SYTL2: variants seen among roughly 807,000 people sequenced by gnomAD.
SYTL2 encodes the protein synaptotagmin like 2.
SYTL2 carries 165 observed loss-of-function variants against 198.7 expected under a neutral mutation model. The observed-to-expected ratio is 0.83, with a 90% confidence interval of 0.73 to 0.94. The LOEUF (loss-of-function observed/expected upper bound fraction) is 0.94. SYTL2 is among the 40% of genes least tolerant of loss of function. SYTL2 has a pLI of 0.00. For synonymous variants in SYTL2, 966 were observed against 917.7 expected (o/e 1.05, Z -0.95); for missense variants, 2,835 against 2,582.8 (o/e 1.10, Z -2.12).
intron 1 of SYTL2, among the ~76,000 whole-genome samples, chr11:85,774,084 C>T (rs543995): frequency 0.76 from 115,988 of 152,072 alleles, 44,550 homozygotes; most frequent in African/African-American, 0.83. Flanking sequence ...TGATATTACA[C>T]AGAAAACCAA....
intron 1 of SYTL2, among the ~76,000 whole-genome samples, chr11:85,787,701 CT>C (rs56177666): frequency 0.27 from 24,628 of 90,108 alleles, 1,783 homozygotes; most frequent in Non-Finnish European, 0.34. Flanking sequence ...TTTTCTTTTC[CT>C]TTTTTTTTTT....
chr11:85,726,853 A>G lies in SYTL2; in HGVS notation c.2505T>C (p.Gly835=), dbSNP rs491867. 0.66 allele frequency: 1,017,500 copies of G among 1,536,112 alleles called. 339,840 individuals carry two copies. Among genetic ancestry groups the G allele is most frequent in the African/African-American group, 0.84 (61,151 of 73,096 alleles). The change falls in exon 8 of 20, where the codon GGT becomes GGC. Residue 835 remains glycine (G), a synonymous_variant. Coordinates refer to ENST00000359152, the MANE Select transcript of SYTL2 (RefSeq NM_206927.4). Reference sequence around the variant, plus strand: ...TAGATAAACTGTCCATGGATGATACACCCTGTGACTTCTTCACAGGCTGAT... The same window carrying G: ...TAGATAAACTGTCCATGGATGATACGCCCTGTGACTTCTTCACAGGCTGAT... ...KAYQPVKKSQ[G]VSSMDSLSTD...
At chr11:85,842,217 A>G in the SYTL2 span, among the ~76,000 whole-genome samples, 5 of 152,290 alleles carry the variant, frequency 3.3e-5, no homozygotes, top group African/African-American at 9.6e-5. Context: ...GGCTGCCCAT[A>G]TCCCCTCAGC....
chr11:85,838,386 T>A, the SYTL2 span, among the ~76,000 whole-genome samples: 2 of 152,142 alleles, frequency 1.3e-5, no homozygotes, highest in Non-Finnish European at 2.9e-5. Flanking sequence ...GACATAGGTG[T>A]ATGTATTAGG....
At chr11:85,702,875 ATACAT>A (rs1395168555) in intron 16 of SYTL2, among the ~76,000 whole-genome samples, 1 of 152,250 alleles carries the variant, frequency 6.6e-6, no homozygotes, top group Non-Finnish European at 1.5e-5. Context: ...TTTTAAGTAC[ATACAT>A]TAAATAACTT....
intron 15 of SYTL2, among the ~76,000 whole-genome samples, chr11:85,706,558 T>C (rs569961977): frequency 2.0e-5 from 3 of 152,318 alleles, no homozygotes; most frequent in South Asian, 4.1e-4. Context: ...TGGAAGAATA[T>C]TCCAGCCTGA....
Position 85,745,707 on chromosome 11 carries a change from C to T in SYTL2, c.319G>A (p.Ala107Thr). The T allele has an allele frequency of 6.2e-7, 1 of 1,613,878 alleles. No individual in the cohort carries two copies. The highest frequency in any genetic ancestry group is 8.5e-7 in the Non-Finnish European group (1 of 1,179,782). The stretch of plus-strand genomic sequence containing the variant: ...CCAGCCAGCTCTGGAGGAAGGAAAG[C>T]ATCTTTGTTGACATTATTCACCCAG... ...ESWVNNVNKD[A>T]FLPPELAGVV... Residue 107 changes from alanine (A) to threonine (T), a missense_variant, in exon 4 of 20, where the codon GCT becomes ACT. Transcript: ENST00000359152.
intron 8 of SYTL2, among the ~76,000 whole-genome samples, chr11:85,723,246 C>T (rs2088624981): frequency 6.6e-6 from 1 of 152,156 alleles, no homozygotes; most frequent in Non-Finnish European, 1.5e-5. Flanking sequence ...TGGAGATCGA[C>T]TCAGGTCATC....
At chr11:85,780,312 T>C (rs1428017104) in intron 1 of SYTL2, among the ~76,000 whole-genome samples, 1 of 152,250 alleles carries the variant, frequency 6.6e-6, no homozygotes, top group African/African-American at 2.4e-5. Context: ...ACATAGCTCC[T>C]AAAACCCTTG....
At chr11:85,785,857 A>G (rs917355078) in intron 1 of SYTL2, among the ~76,000 whole-genome samples, 5 of 152,234 alleles carry the variant, frequency 3.3e-5, no homozygotes, top group Non-Finnish European at 1.5e-5. Flanking sequence ...ATGAAAGAAT[A>G]AAATATTCCC....
chr11:85,728,371 C>G (rs1237504622), intron 7 of SYTL2, among the ~76,000 whole-genome samples: 1 of 152,080 alleles, frequency 6.6e-6, no homozygotes, highest in Admixed American at 6.5e-5. Context: ...ACTGCAACCT[C>G]CGCCTCCCAG....
rs1591803977 is a variant in SYTL2, at chr11:85,733,938, C to A, written c.1390+1G>T. 5 of 1,613,076 alleles carry A rather than the reference C, an allele frequency of 3.1e-6. No homozygotes were observed. Among genetic ancestry groups the A allele is most frequent in the Non-Finnish European group, 4.2e-6 (5 of 1,179,414 alleles). Reference sequence around the variant, plus strand: ...TAATCTAGTAGTGACAACTCTCTTACCAGCAGGGCTTCTGGGTAATACAGA... The same window carrying A: ...TAATCTAGTAGTGACAACTCTCTTAACAGCAGGGCTTCTGGGTAATACAGA... On this transcript the variant is annotated splice_donor_variant, in intron 7 of 19. Coordinates refer to ENST00000359152, the MANE Select transcript of SYTL2 (RefSeq NM_206927.4). LOFTEE classifies it high-confidence loss of function.
the SYTL2 span, among the ~76,000 whole-genome samples, chr11:85,824,925 G>C: frequency 3.9e-5 from 6 of 152,214 alleles, no homozygotes; most frequent in African/African-American, 1.4e-4. Context: ...AGCTGAGATA[G>C]GGTTTGGGAC....
chr11:85,845,914 CA>C, the SYTL2 span, among the ~76,000 whole-genome samples: 2 of 150,686 alleles, frequency 1.3e-5, no homozygotes, highest in Non-Finnish European at 3.0e-5. Context: ...GACTCTGTCT[CA>C]AAAAAAAATA....
rs1273694707 is a variant in SYTL2, at chr11:85,783,988, C to A, written c.-389-25874G>T. On this transcript the variant is annotated intron_variant, in intron 1 of 19. Transcript: ENST00000359152. Reference sequence around the variant, plus strand: ...TTTCCTCAGACTGGACTTCCCCAGGCAGCCCAGGAAGAGGAGGTCTTTACC... The same window carrying A: ...TTTCCTCAGACTGGACTTCCCCAGGAAGCCCAGGAAGAGGAGGTCTTTACC... Among the ~76,000 whole-genome samples, 3 of 152,188 alleles carry A rather than the reference C, an allele frequency of 2.0e-5. No individual in the cohort carries two copies. In the East Asian group the frequency reaches 5.8e-4, roughly 29 times the overall value.
intron 1 of SYTL2, among the ~76,000 whole-genome samples, chr11:85,779,524 G>A (rs950837782): frequency 6.6e-6 from 1 of 152,012 alleles, no homozygotes; most frequent in Admixed American, 6.6e-5. Flanking sequence ...ATAGATATGT[G>A]TATATATGGA....
At chr11:85,819,907 A>G in the SYTL2 span, among the ~76,000 whole-genome samples, 1 of 152,226 alleles carries the variant, frequency 6.6e-6, no homozygotes, top group African/African-American at 2.4e-5. Flanking sequence ...AGTTTCATGA[A>G]TAAGGGAAGA....
At chr11:85,729,439 C>T (rs1026979476) in intron 7 of SYTL2, among the ~76,000 whole-genome samples, 4 of 152,200 alleles carry the variant, frequency 2.6e-5, no homozygotes, top group Non-Finnish European at 4.4e-5. Flanking sequence ...AAGAAACTCA[C>T]TCAAAACTGC....
In SYTL2 at chr11:85,751,025, G is replaced by A. The variant is rs545395734; in HGVS notation, c.102-2602C>T. Among the ~76,000 whole-genome samples the A allele has an allele frequency of 3.3e-5, 5 of 152,192 alleles. No individual in the cohort carries two copies. In the South Asian group the frequency reaches 1.0e-3, roughly 32 times the overall value. ...TTCCTGCCTAAATGACTGTCTGTAAGCCCACGATCAATGCACAATGAGCAC... is the reference window on the plus strand; with the variant it reads ...TTCCTGCCTAAATGACTGTCTGTAAACCCACGATCAATGCACAATGAGCAC... On this transcript the variant is annotated intron_variant, in intron 2 of 19. Transcript: ENST00000359152.
Sources: allele counts gnomAD v4.1 joint callset (sites outside exome capture counted in the v4.1 genomes callset), GRCh38; gene constraint gnomAD v4.1.1; transcripts MANE v1.5; gene names NCBI Gene and HGNC (gene_info 2026-07-23, HGNC 2026-07-21).